PTK2: variants seen among roughly 807,000 people sequenced by gnomAD.
The protein encoded by PTK2 is focal adhesion kinase 1.
Under a neutral mutation model 150.1 loss-of-function variants are expected in PTK2, and 45 were observed. The observed-to-expected ratio is 0.30, with a 90% CI of 0.24 to 0.38. PTK2 has a LOEUF of 0.38. Among genes scored for constraint, PTK2 ranks in the 10% least tolerant of loss-of-function variants. The pLI, the probability that PTK2 is intolerant of heterozygous loss-of-function variation, is 1.00. For synonymous variants in PTK2, 432 were observed against 449.2 expected, an observed-to-expected ratio of 0.96 and a Z score of 0.48; for missense variants, 919 against 1,307.3, an observed-to-expected ratio of 0.70 and a Z score of 4.58.
intron 2 of PTK2, among the ~76,000 whole-genome samples, chr8:140,892,833 A>G (rs886621624): frequency 3.3e-5 from 5 of 152,178 alleles, no homozygotes; most frequent in Admixed American, 1.3e-4. Context: ...CAGACAATTA[A>G]TTAAAAAGAT....
chr8:140,858,155 T>C (rs1188847874), intron 5 of PTK2, among the ~76,000 whole-genome samples: 2 of 151,604 alleles, frequency 1.3e-5, no homozygotes, highest in East Asian at 2.0e-4. Context: ...CTGGTCACGG[T>C]TGAGGAGAGC....
chr8:140,777,032 T>A (rs1170440926), intron 14 of PTK2, among the ~76,000 whole-genome samples: 1 of 152,244 alleles, frequency 6.6e-6, no homozygotes, highest in Admixed American at 6.5e-5. Context: ...GGACCAGTGA[T>A]GTCAGAAGGG....
intron 8 of PTK2, among the ~76,000 whole-genome samples, chr8:140,828,844 C>A (rs2100113543): frequency 6.6e-6 from 1 of 152,178 alleles, no homozygotes; most frequent in East Asian, 1.9e-4. Flanking sequence ...ATGGGCCACC[C>A]ACACCTAATA....
chr8:140,869,577 AC>A (rs1178042292), intron 4 of PTK2, among the ~76,000 whole-genome samples: 1 of 149,908 alleles, frequency 6.7e-6, no homozygotes, highest in Non-Finnish European at 1.5e-5. Flanking sequence ...AAGTAGTAAA[AC>A]CTTTTTTTTT....
At chr8:140,917,906 C>G (rs936930457) in intron 2 of PTK2, among the ~76,000 whole-genome samples, 5 of 152,188 alleles carry the variant, frequency 3.3e-5, no homozygotes, top group African/African-American at 1.2e-4. Context: ...AATGAGAGCA[C>G]TGGAGTGAGA....
chr8:140,852,068 T>A (rs1371581971), intron 5 of PTK2, among the ~76,000 whole-genome samples: 1 of 152,146 alleles, frequency 6.6e-6, no homozygotes, highest in East Asian at 1.9e-4. Flanking sequence ...TTCTAATAAA[T>A]CTCATCTAAA....
chr8:140,950,819 G>T (rs981257856), intron 1 of PTK2, among the ~76,000 whole-genome samples: 1 of 152,184 alleles, frequency 6.6e-6, no homozygotes, highest in African/African-American at 2.4e-5. Flanking sequence ...AACTGTATAT[G>T]AGAGGACATA....
intron 14 of PTK2, among the ~76,000 whole-genome samples, chr8:140,787,029 G>A (rs957634747): frequency 3.9e-5 from 6 of 152,160 alleles, no homozygotes; most frequent in African/African-American, 1.2e-4. Context: ...GAAAGGTCTT[G>A]GAGGGCTAAG....
At chr8:140,976,276 A>G (rs1004070737) in intron 1 of PTK2, among the ~76,000 whole-genome samples, 1 of 152,210 alleles carries the variant, frequency 6.6e-6, no homozygotes, top group South Asian at 2.1e-4. Context: ...AAAAATCACA[A>G]TACCTAGACA....
At position 140,675,651 on chromosome 8, in the gene PTK2, T is replaced by C. The variant is rs887246387; in HGVS notation, c.2563-152A>G. On this transcript the variant is annotated intron_variant, in intron 27 of 31. Transcript: ENST00000522684. ...AACAGGGTTCTGCATAAGGTCTCAG[T>C]TGGGGTGGGGGATCAGGCAAATAAG... 4.9e-6 allele frequency: 3 copies of C among 612,168 alleles called. No individual in the cohort carries two copies. In the African/African-American group the frequency reaches 5.6e-5, roughly 11 times the overall value. 37.9% of individuals were successfully genotyped at this position (612,168 alleles called of 1,614,324 possible). A position where few individuals can be genotyped will look rare whatever the true frequency, so the allele number is the denominator to read the frequency against.
At chr8:140,748,506 A>AAAG (rs1565587197) in intron 17 of PTK2, among the ~76,000 whole-genome samples, 4 of 151,324 alleles carry the variant, frequency 2.6e-5, no homozygotes, top group African/African-American at 9.8e-5. Flanking sequence ...CAAAAAAAAA[A>AAAG]AAAAAAAAAA....
intron 4 of PTK2, among the ~76,000 whole-genome samples, chr8:140,870,699 G>C (rs2100141993): frequency 6.6e-6 from 1 of 151,978 alleles, no homozygotes; most frequent in Non-Finnish European, 1.5e-5. Flanking sequence ...AGATTACAAA[G>C]ACTTAAAAGA....
At chr8:140,978,093 T>G (rs1257439725) in intron 1 of PTK2, among the ~76,000 whole-genome samples, 1 of 152,204 alleles carries the variant, frequency 6.6e-6, no homozygotes, top group Non-Finnish European at 1.5e-5. Flanking sequence ...CCTTACACCT[T>G]ATACAAAAAT....
chr8:140,867,061 G>A (rs1255738054), intron 4 of PTK2, among the ~76,000 whole-genome samples: 2 of 152,160 alleles, frequency 1.3e-5, no homozygotes, highest in South Asian at 2.1e-4. Flanking sequence ...AAGTGTAGCT[G>A]GGGCAGGCTG....
chr8:140,947,803 T>C (rs1254254101), intron 1 of PTK2, among the ~76,000 whole-genome samples: 1 of 152,106 alleles, frequency 6.6e-6, no homozygotes, highest in African/African-American at 2.4e-5. Flanking sequence ...AGGGCTGATG[T>C]TAATAGCCAG....
At chr8:140,933,410 C>G (rs544823637) in intron 1 of PTK2, among the ~76,000 whole-genome samples, 23 of 152,292 alleles carry the variant, frequency 1.5e-4, no homozygotes, top group African/African-American at 5.1e-4. Context: ...TTTACCAATT[C>G]TGAGAAGAAG....
rs765792463 is a variant in PTK2, at chr8:140,931,928, CAAAAAAAAA to C, written c.-121-6188_-121-6180del. On this transcript the variant is annotated intron_variant, in intron 1 of 31. Coordinates refer to ENST00000522684, the Ensembl canonical transcript of PTK2. ...AGCCTGGGCGACAGAGACCCAGTCT[CAAAAAAAAA>C]AAAAAAAAAAAAAAAAAGCTGCATT... Among the ~76,000 whole-genome samples, 106 of 54,634 alleles carry C rather than the reference CAAAAAAAAA, an allele frequency of 1.9e-3. No individual in the cohort carries two copies. In the Middle Eastern group the frequency reaches 0.024, roughly 12 times the overall value. 35.8% of individuals were successfully genotyped at this position (54,634 alleles called of 152,430 possible). A position where few individuals can be genotyped will look rare whatever the true frequency, so the allele number is the denominator to read the frequency against.
At chr8:140,784,203 G>A (rs2100083545) in intron 14 of PTK2, among the ~76,000 whole-genome samples, 1 of 152,198 alleles carries the variant, frequency 6.6e-6, no homozygotes, top group East Asian at 1.9e-4. Flanking sequence ...AGCATGAAGG[G>A]CTTAGAGACA....
chr8:140,759,919 G>C (rs2100068407), intron 16 of PTK2, among the ~76,000 whole-genome samples: 1 of 150,976 alleles, frequency 6.6e-6, no homozygotes, highest in Non-Finnish European at 1.5e-5. Context: ...ATATACAAAA[G>C]AGAACTAAAA....
Sources: allele counts gnomAD v4.1 joint callset (sites outside exome capture counted in the v4.1 genomes callset), GRCh38; gene constraint gnomAD v4.1.1; transcripts MANE v1.5; gene names NCBI Gene and HGNC (gene_info 2026-07-23, HGNC 2026-07-21).